The following CATSPERE variants were observed in gnomAD, a reference collection of about 807,000 sequenced individuals.
CATSPERE encodes catsper channel auxiliary subunit epsilon.
CATSPERE carries 93 observed loss-of-function variants against 114.1 expected under a neutral mutation model. The observed-to-expected ratio is 0.81, with a 90% CI of 0.69 to 0.97. The LOEUF is 0.97. CATSPERE is among the 50% of genes least tolerant of loss of function. The pLI is 0.00. For missense variants in CATSPERE, 1,058 were observed against 1,131.6 expected (o/e 0.93, Z 0.93); for synonymous variants, 341 against 384.1 (o/e 0.89, Z 1.31).
intron 20 of CATSPERE, among the ~76,000 whole-genome samples, chr1:244,625,668 C>T (rs1673098962): frequency 6.6e-6 from 1 of 150,378 alleles, no homozygotes; most frequent in Non-Finnish European, 1.5e-5. Flanking sequence ...ACCTTGTGAT[C>T]CGCCCACCTT....
At chr1:244,610,061 AACACAAGATCAATAT>A (rs1670504896) in intron 18 of CATSPERE, among the ~76,000 whole-genome samples, 164 bp from the exon 19 acceptor site, 1 of 152,234 alleles carries the variant, frequency 6.6e-6, no homozygotes, top group Non-Finnish European at 1.5e-5. Flanking sequence ...AAATTCTCTC[AACACAAGATCAATAT>A]ACAAAAATCA....
At chr1:244,614,466 A>G (rs1461158885) in intron 19 of CATSPERE, among the ~76,000 whole-genome samples, 1 of 152,230 alleles carries the variant, frequency 6.6e-6, no homozygotes, top group East Asian at 1.9e-4. Context: ...ATACAACTCT[A>G]CGCACAACAA....
chr1:244,629,469 G>C (rs981038696), intron 20 of CATSPERE, among the ~76,000 whole-genome samples: 1 of 142,558 alleles, frequency 7.0e-6, no homozygotes, highest in Non-Finnish European at 1.5e-5. Context: ...AGTATATCAT[G>C]TACCCCACAA....
chr1:244,562,200 C>G (rs559759564), intron 10 of CATSPERE, among the ~76,000 whole-genome samples: 5 of 144,682 alleles, frequency 3.5e-5, no homozygotes, highest in Non-Finnish European at 4.5e-5. Flanking sequence ...TCCAGACTTT[C>G]AAACAAGCAA....
chr1:244,461,315 C>G lies in CATSPERE; in HGVS notation c.-115C>G, dbSNP rs768196651. On this transcript the variant is annotated 5_prime_UTR_variant, in exon 1 of 22. Transcript: ENST00000366534. The stretch of plus-strand genomic sequence containing the variant: ...GTCTTCAGGCCCGGCCCGCCCTGTC[C>G]AGAGGCGCCGGGACCCAGGCGCCTG... 1 of 907,308 alleles carries G rather than the reference C, an allele frequency of 1.1e-6. No homozygotes were observed. The highest frequency in any genetic ancestry group is 1.5e-6 in the Non-Finnish European group (1 of 680,376). The allele number at this position is 907,308 out of a possible 1,614,324, so 56.2% of individuals were successfully genotyped here.
chr1:244,582,751 A>G (rs1666374183), intron 12 of CATSPERE, among the ~76,000 whole-genome samples: 1 of 152,212 alleles, frequency 6.6e-6, no homozygotes, highest in African/African-American at 2.4e-5. Flanking sequence ...GAGTTTGACT[A>G]CCTGCTCTAT....
chr1:244,510,913 G>A (rs1444144456), intron 7 of CATSPERE, among the ~76,000 whole-genome samples: 1 of 126,556 alleles, frequency 7.9e-6, no homozygotes, highest in East Asian at 2.4e-4. Context: ...GCACCATCTT[G>A]GCTCACTGCA....
intron 21 of CATSPERE, among the ~76,000 whole-genome samples, chr1:244,636,351 CAATT>C (rs1162506612): frequency 2.0e-5 from 3 of 152,014 alleles, no homozygotes; most frequent in African/African-American, 7.3e-5. Context: ...GTAAGAAAAA[CAATT>C]AAGTTACTCA....
chr1:244,465,193 G>C (rs1422464045), intron 2 of CATSPERE, among the ~76,000 whole-genome samples: 1 of 151,966 alleles, frequency 6.6e-6, no homozygotes, highest in African/African-American at 2.4e-5. Flanking sequence ...ACACTACCAT[G>C]CCCGGCTAAT....
In CATSPERE at chr1:244,633,215, G is replaced by A. The variant is rs1022815538; in HGVS notation, c.2649-2274G>A. ...TTCTCAGAAATTGATAGGACAAGTAGAGAGAAAATCAGTAAGGATACAGAA... is the reference window on the plus strand; with the variant it reads ...TTCTCAGAAATTGATAGGACAAGTAAAGAGAAAATCAGTAAGGATACAGAA... On this transcript the variant is annotated intron_variant, in intron 20 of 21. Transcript: ENST00000366534. This position sits in a 1 kb window ranked among gnomAD's most constrained non-coding sequence, Gnocchi z 4.1. Among the ~76,000 whole-genome samples the A allele has an allele frequency of 6.6e-6, 1 of 152,230 alleles. No homozygotes were observed. The highest frequency in any genetic ancestry group is 2.4e-5 in the African/African-American group (1 of 41,462).
intron 20 of CATSPERE, among the ~76,000 whole-genome samples, chr1:244,624,877 A>G (rs1468239951): frequency 1.3e-5 from 2 of 151,888 alleles, no homozygotes; most frequent in African/African-American, 4.8e-5. Flanking sequence ...AAGTTTTATC[A>G]TGACATTGTG....
upstream of CATSPERE, among the ~76,000 whole-genome samples, chr1:244,458,188 AAAACCTTTC>A (rs895298259): frequency 8.5e-5 from 13 of 152,294 alleles, no homozygotes; most frequent in African/African-American, 2.9e-4. Context: ...TAGAATAGAA[AAAACCTTTC>A]AAATAGAAGA....
chr1:244,594,543 A>G (rs1212726150), intron 17 of CATSPERE, among the ~76,000 whole-genome samples: 1 of 152,222 alleles, frequency 6.6e-6, no homozygotes, highest in Non-Finnish European at 1.5e-5. Context: ...TTGTAAATAA[A>G]TAATAGTGAA....
In CATSPERE at chr1:244,615,094, C is replaced by A. The variant is rs879687208; in HGVS notation, c.2491-2435C>A. ...TGGTAGAGCTGCCCCGCCACCACCC[C>A]AGCTATGTCCTGGGGTTGGGAACAA... On this transcript the variant is annotated intron_variant, in intron 19 of 21. Coordinates refer to ENST00000366534, the MANE Select transcript of CATSPERE (RefSeq NM_001130957.2). 5.9e-5 allele frequency among the ~76,000 whole-genome samples: 9 copies of A among 151,968 alleles called. 1 individual carries two copies. The highest frequency in any genetic ancestry group is 1.0e-4 in the Non-Finnish European group (7 of 68,010).
rs80325240 is a variant in CATSPERE at position 244,571,786 on chromosome 1, C to T, written c.1508-544C>T. ...CAGTTCCTGGCTTGTAGACAGTCGC[C>T]GTCTTGCTGTGTCCTCATGTGGCCT... On this transcript the variant is annotated intron_variant, in intron 10 of 21. Transcript: ENST00000366534. Among the ~76,000 whole-genome samples the T allele has an allele frequency of 8.3e-3, 1,261 of 152,224 alleles. 25 individuals carry two copies. The highest frequency in any genetic ancestry group is 0.027 in the African/African-American group (1,134 of 41,544).
chr1:244,465,489 T>C (rs1265420451), intron 2 of CATSPERE, among the ~76,000 whole-genome samples: 1 of 152,216 alleles, frequency 6.6e-6, no homozygotes, highest in Admixed American at 6.5e-5. Flanking sequence ...ACATTACTTT[T>C]TTCACATAAT....
chr1:244,494,478 G>A (rs919034718), intron 6 of CATSPERE, among the ~76,000 whole-genome samples: 17 of 147,118 alleles, frequency 1.2e-4, no homozygotes, highest in African/African-American at 4.2e-4. Flanking sequence ...GGGAGGGATA[G>A]CATTAGGAGA....
intron 7 of CATSPERE, among the ~76,000 whole-genome samples, chr1:244,510,601 T>C (rs917217575): frequency 6.6e-6 from 1 of 152,164 alleles, no homozygotes; most frequent in African/African-American, 2.4e-5. Flanking sequence ...ATGCAAAATG[T>C]TTTGTAAATG....
At position 244,639,413 on chromosome 1, in the gene CATSPERE, C is replaced by A. The variant is rs1675053890; in HGVS notation, c.2703-515C>A. Reference sequence around the variant, plus strand: ...ACAGAACTTCATTTCTAGCTGGGTGCAGTGGCTCACGCCTGTAATCCCTTT... The same window carrying A: ...ACAGAACTTCATTTCTAGCTGGGTGAAGTGGCTCACGCCTGTAATCCCTTT... On this transcript the variant is annotated intron_variant, in intron 21 of 21. Coordinates refer to ENST00000366534, the MANE Select transcript of CATSPERE (RefSeq NM_001130957.2). Among the ~76,000 whole-genome samples the A allele has an allele frequency of 2.6e-5, 4 of 152,224 alleles. No homozygotes were observed. In the South Asian group the frequency reaches 8.3e-4, roughly 32 times the overall value.
Sources: allele counts gnomAD v4.1 joint callset (sites outside exome capture counted in the v4.1 genomes callset), GRCh38; gene constraint gnomAD v4.1.1; non-coding constraint Gnocchi (gnomAD v3.1); transcripts MANE v1.5; gene names NCBI Gene and HGNC (gene_info 2026-07-23, HGNC 2026-07-21).